The following KCNK9 variants were observed in gnomAD, a reference collection of about 807,000 sequenced individuals.
KCNK9 encodes the protein potassium channel subfamily K member 9.
A neutral mutation model predicts 10.8 loss-of-function variants in KCNK9; 1 was observed. That is an observed-to-expected ratio of 0.09 (90% CI 0.03 to 0.44). The LOEUF (loss-of-function observed/expected upper bound fraction) is 0.44, where lower values mean the gene tolerates loss of function less well. KCNK9 is among the 20% of genes least tolerant of loss of function. The pLI, the probability that KCNK9 is intolerant of heterozygous loss-of-function variation, is 0.97. For missense variants in KCNK9, 303 were observed against 515.0 expected (o/e 0.59, Z 3.98); for synonymous variants, 231 against 222.7 (o/e 1.04, Z -0.33).
In KCNK9 at chr8:139,622,574, A is replaced by C. The variant is rs79809312; in HGVS notation, c.284-3475T>G. Among the ~76,000 whole-genome samples the C allele has an allele frequency of 9.2e-3, 1,403 of 152,312 alleles. 65 individuals carry two copies. In the East Asian group the frequency reaches 0.096, roughly 10 times the overall value. ...CAGGAACTGCACCCTTGGCATGTTA[A>C]TAGCTCTCCACTGGTGCTCCACATA... On this transcript the variant is annotated intron_variant, in intron 1 of 1. Coordinates refer to ENST00000520439, the MANE Select transcript of KCNK9 (RefSeq NM_001282534.2).
chr8:139,689,234 T>C (rs1816883875), intron 1 of KCNK9, among the ~76,000 whole-genome samples: 1 of 152,212 alleles, frequency 6.6e-6, no homozygotes. Flanking sequence ...CACCCTGTCT[T>C]ACTCTGTAAT....
At chr8:139,645,067 C>T (rs190739925) in intron 1 of KCNK9, among the ~76,000 whole-genome samples, 205 of 152,314 alleles carry the variant, frequency 1.3e-3, no homozygotes, top group African/African-American at 4.7e-3. Flanking sequence ...CCTCCCGCAC[C>T]GTGTAGGCTT....
rs541445542 is a variant in KCNK9, at chr8:139,681,490, C to T, written c.283+21220G>A. Among the ~76,000 whole-genome samples, 21 of 152,330 alleles carry T rather than the reference C, an allele frequency of 1.4e-4. No homozygotes were observed. The South Asian group carries it at 1.9e-3, about 14-fold the overall frequency. On this transcript the variant is annotated intron_variant, in intron 1 of 1. Transcript: ENST00000520439. ...GGAGTGAGAAGCTGGGAGAGCAGGGCGGAGCCCGGTGGGTGAGGTCCACAC... is the reference window on the plus strand; with the variant it reads ...GGAGTGAGAAGCTGGGAGAGCAGGGTGGAGCCCGGTGGGTGAGGTCCACAC...
intron 1 of KCNK9, among the ~76,000 whole-genome samples, chr8:139,629,518 T>A (rs1279361267): frequency 6.6e-6 from 1 of 152,186 alleles, no homozygotes; most frequent in Non-Finnish European, 1.5e-5. Flanking sequence ...GTGTTCAGCC[T>A]TAAAGAGAGA....
chr8:139,605,963 C>T (rs1331174553), intron 2 of KCNK9, among the ~76,000 whole-genome samples: 1 of 152,108 alleles, frequency 6.6e-6, no homozygotes, highest in East Asian at 1.9e-4. Context: ...TGTGAAGGTG[C>T]CATCTCCACA....
At chr8:139,657,080 T>TGAATCCAACTCTTCTTTTG (rs1273526023) in intron 1 of KCNK9, among the ~76,000 whole-genome samples, 1 of 152,214 alleles carries the variant, frequency 6.6e-6, no homozygotes, top group African/African-American at 2.4e-5. Context: ...TCCACCTGGC[T>TGAATCCAACTCTTCTTTTG]GAATCCAACT....
intron 2 of KCNK9, among the ~76,000 whole-genome samples, chr8:139,605,368 C>T (rs1245921392): frequency 6.6e-6 from 1 of 152,176 alleles, no homozygotes; most frequent in Non-Finnish European, 1.5e-5. Context: ...TCAAGCTGCA[C>T]AAAATAACTG....
intron 1 of KCNK9, among the ~76,000 whole-genome samples, chr8:139,668,444 G>A (rs1252575568): frequency 1.5e-5 from 2 of 137,000 alleles, no homozygotes; most frequent in African/African-American, 5.5e-5. Flanking sequence ...TTTTTGAGAT[G>A]GAGTTTCGCT....
intron 2 of KCNK9, among the ~76,000 whole-genome samples, chr8:139,605,444 G>T (rs1817464498): frequency 6.6e-6 from 1 of 152,192 alleles, no homozygotes; most frequent in Non-Finnish European, 1.5e-5. Flanking sequence ...CTTGACCGAG[G>T]TTGTTAGGGG....
downstream of KCNK9, among the ~76,000 whole-genome samples, chr8:139,612,970 T>A (rs1222035293): frequency 1.3e-5 from 2 of 152,074 alleles, no homozygotes; most frequent in Non-Finnish European, 2.9e-5. Context: ...GACAAGCAAT[T>A]ATGGGAGGTG....
intron 1 of KCNK9, among the ~76,000 whole-genome samples, chr8:139,700,431 T>C (rs1296235716): frequency 6.6e-6 from 1 of 152,030 alleles, no homozygotes; most frequent in Non-Finnish European, 1.5e-5. Flanking sequence ...TGAACATCTT[T>C]CCACAACAGG....
chr8:139,680,431 G>A (rs1478035456), intron 1 of KCNK9, among the ~76,000 whole-genome samples: 9 of 152,294 alleles, frequency 5.9e-5, no homozygotes, highest in Admixed American at 3.3e-4. Flanking sequence ...ACATACCTCC[G>A]GAGGGGCTAT....
At chr8:139,620,803 G>A (rs897399065) in intron 1 of KCNK9, among the ~76,000 whole-genome samples, 1 of 152,148 alleles carries the variant, frequency 6.6e-6, no homozygotes, top group African/African-American at 2.4e-5. Flanking sequence ...AGTTAGGCCA[G>A]AAAGGACAGG....
At chr8:139,648,588 C>T (rs1815761649) in intron 1 of KCNK9, among the ~76,000 whole-genome samples, 1 of 152,222 alleles carries the variant, frequency 6.6e-6, no homozygotes, top group Non-Finnish European at 1.5e-5. Context: ...CGGTCCCTGA[C>T]TATTGATCAT....
At chr8:139,614,497 ATGCT>A (rs1434737160), downstream of KCNK9, among the ~76,000 whole-genome samples, 1 of 152,180 alleles carries the variant, frequency 6.6e-6, no homozygotes, top group African/African-American at 2.4e-5. Flanking sequence ...GAGCGCGCAG[ATGCT>A]TCCAAGGGGG....
chr8:139,645,338 A>C (rs975068656), intron 1 of KCNK9, among the ~76,000 whole-genome samples: 44 of 152,246 alleles, frequency 2.9e-4, no homozygotes, highest in South Asian at 1.2e-3. Flanking sequence ...TCAAGGATTC[A>C]GTTCTAGACG....
At chr8:139,660,674 T>C (rs1041050575) in intron 1 of KCNK9, among the ~76,000 whole-genome samples, 3 of 152,034 alleles carry the variant, frequency 2.0e-5, no homozygotes, top group Non-Finnish European at 4.4e-5. Flanking sequence ...ATAGATGTGT[T>C]TTTCATTGAG....
Position 139,693,763 on chromosome 8 carries a change from G to A in KCNK9, c.283+8947C>T, listed in dbSNP as rs1158807249. On this transcript the variant is annotated intron_variant, in intron 1 of 1. Coordinates refer to ENST00000520439, the MANE Select transcript of KCNK9 (RefSeq NM_001282534.2). The surrounding 1 kb of genome is among the most constrained non-coding windows in gnomAD (Gnocchi z 4.1). ...GCGGGGCTGGAGGATGAAAAGGGCT[G>A]CAAGCTGAGGACCTGGGTCTGATTC... Among the ~76,000 whole-genome samples, 3 of 152,178 alleles carry A rather than the reference G, an allele frequency of 2.0e-5. No individual in the cohort carries two copies. The highest frequency in any genetic ancestry group is 7.2e-5 in the African/African-American group (3 of 41,436).
chr8:139,632,676 C>T (rs1313670487), intron 1 of KCNK9, among the ~76,000 whole-genome samples: 1 of 152,136 alleles, frequency 6.6e-6, no homozygotes, highest in African/African-American at 2.4e-5. Flanking sequence ...CTCCCATTCC[C>T]CCCGCTCCCT....
Sources: allele counts gnomAD v4.1 joint callset (sites outside exome capture counted in the v4.1 genomes callset), GRCh38; gene constraint gnomAD v4.1.1; non-coding constraint Gnocchi (gnomAD v3.1); transcripts MANE v1.5; gene names NCBI Gene and HGNC (gene_info 2026-07-23, HGNC 2026-07-21).